Variants in NCOA6 observed in about 807,000 individuals in gnomAD.
NCOA6 encodes the protein nuclear receptor coactivator 6.
In NCOA6, 49 loss-of-function variants were observed where a neutral mutation model predicts 171.4. The observed-to-expected ratio is 0.29, with a 90% CI of 0.23 to 0.36. NCOA6 has a LOEUF of 0.36. NCOA6 is among the 10% of genes least tolerant of loss of function. The pLI, the probability that NCOA6 is intolerant of heterozygous loss-of-function variation, is 1.00. For missense variants in NCOA6, 2,248 were observed against 2,554.5 expected (o/e 0.88, Z 2.59); for synonymous variants, 910 against 927.5 (o/e 0.98, Z 0.34).
Position 34,751,702 on chromosome 20 carries a change from T to C in NCOA6, c.1676-1183A>G, listed in dbSNP as rs150204347. ...CTCCTGCGCAGTCCCTGGTGAATCA[T>C]GTGGCACATGTTTTAGTCTTCTCAG... On this transcript the variant is annotated intron_variant, in intron 8 of 14. Transcript: ENST00000359003. Among the ~76,000 whole-genome samples, 6 of 152,268 alleles carry C rather than the reference T, an allele frequency of 3.9e-5. No homozygotes were observed. In the East Asian group the frequency reaches 1.2e-3, roughly 29 times the overall value.
At chr20:34,754,085 T>C (rs1193272822) in intron 8 of NCOA6, among the ~76,000 whole-genome samples, 2 of 152,254 alleles carry the variant, frequency 1.3e-5, no homozygotes, top group African/African-American at 2.4e-5. Context: ...CTGTTGGTAG[T>C]AAACGTGAAC....
chr20:34,798,255 C>T (rs1380749644), intron 1 of NCOA6, among the ~76,000 whole-genome samples: 9 of 152,278 alleles, frequency 5.9e-5, no homozygotes, highest in Admixed American at 3.9e-4. Context: ...GACGAAAAAA[C>T]GGGAAGGACT....
At position 34,757,917 on chromosome 20, in the gene NCOA6, TTGCTGC is replaced by T. The variant is rs752981889; in HGVS notation, c.825_830del (p.Gln284_Gln285del). Reference sequence around the variant, plus strand: ...ACTGTTGTTGCTGCTGTTGCTGTTGTTGCTGCTGCTGCTGCTGCTGCTGCTGTTGTT... The same window carrying T: ...ACTGTTGTTGCTGCTGTTGCTGTTGTTGCTGCTGCTGCTGCTGCTGTTGTT... On this transcript the variant is annotated inframe_deletion, in exon 7 of 15. Coordinates refer to ENST00000359003, the MANE Select transcript of NCOA6 (RefSeq NM_014071.5). 27 of 1,612,774 alleles carry T rather than the reference TTGCTGC, an allele frequency of 1.7e-5. No individual in the cohort carries two copies. Among genetic ancestry groups the T allele is most frequent in the Middle Eastern group, 3.3e-4 (2 of 6,072 alleles).
At chr20:34,787,596 G>T (rs2077726345) in intron 2 of NCOA6, among the ~76,000 whole-genome samples, 1 of 151,992 alleles carries the variant, frequency 6.6e-6, no homozygotes, top group African/African-American at 2.4e-5. Flanking sequence ...ACAAGTTATT[G>T]AGGAAAAACC....
chr20:34,756,596 T>G (rs540784297), intron 7 of NCOA6, among the ~76,000 whole-genome samples: 4 of 152,218 alleles, frequency 2.6e-5, no homozygotes, highest in Non-Finnish European at 5.9e-5. Context: ...TAAGCTCCAT[T>G]GCTTTTTCTT....
chr20:34,767,197 G>GTA (rs1161496741), intron 5 of NCOA6, among the ~76,000 whole-genome samples: 2 of 152,194 alleles, frequency 1.3e-5, no homozygotes, highest in African/African-American at 4.8e-5. Context: ...GCTTGGGGAA[G>GTA]TACAGTAACT....
At chr20:34,785,876 TAAA>T (rs33961774) in intron 2 of NCOA6, among the ~76,000 whole-genome samples, 3 of 136,214 alleles carry the variant, frequency 2.2e-5, no homozygotes, top group Non-Finnish European at 3.2e-5. Context: ...ACACAGTACT[TAAA>T]AAAAAAAAAA....
chr20:34,731,660 A>G (rs2075783406), intron 13 of NCOA6, among the ~76,000 whole-genome samples: 2 of 152,350 alleles, frequency 1.3e-5, no homozygotes, highest in African/African-American at 4.8e-5. Context: ...TGAAAAAAAT[A>G]TTGTGAAAGT....
At chr20:34,763,540 A>C (rs1039113953) in intron 5 of NCOA6, among the ~76,000 whole-genome samples, 1 of 152,150 alleles carries the variant, frequency 6.6e-6, no homozygotes, top group Non-Finnish European at 1.5e-5. Context: ...AAATTGTATA[A>C]ATTCAGAATA....
At chr20:34,806,598 G>A (rs537011100) in intron 1 of NCOA6, among the ~76,000 whole-genome samples, 26 of 152,090 alleles carry the variant, frequency 1.7e-4, no homozygotes, top group Non-Finnish European at 3.4e-4. Flanking sequence ...GAGAGATAGG[G>A]GTCTAGTTTC....
In NCOA6 at chr20:34,774,480, A is replaced by C. The variant is rs367723061; in HGVS notation, c.391+1813T>G. Among the ~76,000 whole-genome samples the C allele has an allele frequency of 1.2e-3, 182 of 152,360 alleles. 6 individuals carry two copies. In the South Asian group the frequency reaches 0.037, roughly 31 times the overall value. On this transcript the variant is annotated intron_variant, in intron 4 of 14. Coordinates refer to ENST00000359003, the MANE Select transcript of NCOA6 (RefSeq NM_014071.5). ...AATCTACATATAACCCTTTCTAAAT[A>C]ATTTGTTTGTTGGTATTGCCCCTTT...
At position 34,736,723 on chromosome 20, in the gene NCOA6, T is replaced by C. The variant is rs754903219; in HGVS notation, c.5929A>G (p.Thr1977Ala). The C allele has an allele frequency of 8.7e-6, 14 of 1,611,536 alleles. No homozygotes were observed. Among genetic ancestry groups the C allele is most frequent in the South Asian group, 4.4e-5 (4 of 90,594 alleles). ...GCAACAGAGGCCTGCAGTGCTGTGG[T>C]TGAAGTTTCCTTTGAGACTAAATTC... ...SQNLVSKETSTTALQASVARP... is the reference protein window; with the variant it reads ...SQNLVSKETSATALQASVARP... Residue 1977 changes from threonine (T) to alanine (A), a missense_variant, in exon 12 of 15, where the codon ACC becomes GCC. Around this residue, in one of 7 missense-constraint regions of NCOA6, gnomAD observed 884 missense variants for 941.9 expected, o/e 0.94. Coordinates refer to ENST00000359003, the MANE Select transcript of NCOA6 (RefSeq NM_014071.5).
intron 1 of NCOA6, among the ~76,000 whole-genome samples, chr20:34,812,872 C>T (rs896614860): frequency 3.3e-5 from 5 of 151,946 alleles, no homozygotes; most frequent in African/African-American, 4.8e-5. Context: ...TTAAAAATTA[C>T]GGCCGGTCAC....
At chr20:34,799,564 TAAAG>T (rs1206197978) in intron 1 of NCOA6, among the ~76,000 whole-genome samples, 3 of 152,076 alleles carry the variant, frequency 2.0e-5, no homozygotes, top group Admixed American at 2.0e-4. Context: ...AGGTCAACGA[TAAAG>T]AAAGGATCCT....
rs559694793 is a variant in NCOA6, at chr20:34,819,117, C to T, written c.-164+6355G>A. The stretch of plus-strand genomic sequence containing the variant: ...GTTTTAGTATTTACTTGCCCACAAA[C>T]TCATCTGTCAATTTCTGGCCATCCC... On this transcript the variant is annotated intron_variant, in intron 1 of 14. Transcript: ENST00000359003. Among the ~76,000 whole-genome samples the T allele has an allele frequency of 2.4e-4, 37 of 152,274 alleles. No individual in the cohort carries two copies. In the South Asian group the frequency reaches 2.5e-3, roughly 10 times the overall value.
In NCOA6 at chr20:34,732,021, C is replaced by CA. The variant is rs1463871684; in HGVS notation, c.5999+537dup. The stretch of plus-strand genomic sequence containing the variant: ...GGGTGATAGAGCAAGACTCTGTCTC[C>CA]AAAAAAAGGCATGACTTTTGGAAAA... On this transcript the variant is annotated intron_variant, in intron 13 of 14. Coordinates refer to ENST00000359003, the MANE Select transcript of NCOA6 (RefSeq NM_014071.5). 2.0e-5 allele frequency among the ~76,000 whole-genome samples: 3 copies of CA among 151,712 alleles called. No individual in the cohort carries two copies. In the East Asian group the frequency reaches 5.8e-4, roughly 29 times the overall value.
intron 14 of NCOA6, among the ~76,000 whole-genome samples, 177 bp downstream of exon 14, chr20:34,727,082 G>C (rs1042439655): frequency 1.3e-5 from 2 of 152,194 alleles, no homozygotes; most frequent in African/African-American, 4.8e-5. Flanking sequence ...TACACACACA[G>C]AAAACATACA....
intron 2 of NCOA6, among the ~76,000 whole-genome samples, chr20:34,789,324 G>A (rs2077789553): frequency 6.6e-6 from 1 of 152,092 alleles, no homozygotes; most frequent in Non-Finnish European, 1.5e-5. Flanking sequence ...AAAATATAAG[G>A]ATAAAAAGGT....
At position 34,749,618 on chromosome 20, in the gene NCOA6, T is replaced by G. The variant is rs1247593011; in HGVS notation, c.2577A>C (p.Gly859=). Residue 859 remains glycine (G), a synonymous_variant, in exon 9 of 15, where the codon GGA becomes GGC. Coordinates refer to ENST00000359003, the MANE Select transcript of NCOA6 (RefSeq NM_014071.5). ...HGMSFNAPFS[G]APNGNQMSCG... The stretch of plus-strand genomic sequence containing the variant: ...AGGACATCTGATTTCCATTGGGAGC[T>G]CCACTGAAAGGTGCATTGAAAGACA... 2 of 1,614,042 alleles carry G rather than the reference T, an allele frequency of 1.2e-6. No individual in the cohort carries two copies. Among genetic ancestry groups the G allele is most frequent in the Non-Finnish European group, 1.7e-6 (2 of 1,180,024 alleles).
Sources: gnomAD v4.1 joint callset for allele counts (sites outside exome capture counted in the v4.1 genomes callset) on GRCh38, gnomAD v4.1.1 for gene constraint, gnomAD v4.1.1 regional missense constraint, MANE v1.5 for transcripts, NCBI Gene and HGNC (gene_info 2026-07-23, HGNC 2026-07-21) for gene names.